The following RAVER2 variants were observed in gnomAD, a reference collection of about 807,000 sequenced individuals.
The protein encoded by RAVER2 is ribonucleoprotein PTB-binding 2.
Under a neutral mutation model 78.1 loss-of-function variants are expected in RAVER2, and 46 were observed. The ratio of observed to expected loss-of-function variants is 0.59; its 90% confidence interval spans 0.46 to 0.75. The LOEUF (loss-of-function observed/expected upper bound fraction) is 0.75. Ranked by LOEUF, RAVER2 falls within the 30% of genes least tolerant of loss-of-function variation. RAVER2 has a pLI of 0.00. For synonymous variants in RAVER2, 311 were observed against 313.3 expected (o/e 0.99, Z 0.08); for missense variants, 793 against 837.5 (o/e 0.95, Z 0.66).
At chr1:64,815,304 C>T in intron 11 of RAVER2, 1 of 152,142 alleles carries the variant, frequency 6.6e-6, no homozygotes, top group East Asian at 1.9e-4. Context: ...ACCTAAGAAA[C>T]CCAAGGGAAT....
chr1:64,828,538 AATC>A (rs1654050370), intron 11 of RAVER2, among the ~76,000 whole-genome samples: 1 of 152,148 alleles, frequency 6.6e-6, no homozygotes, highest in Non-Finnish European at 1.5e-5. Flanking sequence ...CAAAATTTTA[AATC>A]ATCATTCCCC....
chr1:64,813,902 A>T (rs956801720), intron 10 of RAVER2, among the ~76,000 whole-genome samples: 23 of 149,722 alleles, frequency 1.5e-4, no homozygotes, highest in Admixed American at 4.0e-4. Context: ...TTATTTATTT[A>T]TTTTTTTATT....
intron 4 of RAVER2, among the ~76,000 whole-genome samples, chr1:64,784,424 T>C (rs1249187055): frequency 6.6e-6 from 1 of 152,108 alleles, no homozygotes; most frequent in Non-Finnish European, 1.5e-5. Context: ...CTACCTTGAA[T>C]TCTGCCACAC....
chr1:64,803,019 A>C, exon 6 of RAVER2: 1 of 1,609,908 alleles, frequency 6.2e-7, no homozygotes, highest in South Asian at 1.1e-5. Flanking sequence ...TGATGAATCC[A>C]TCCATCTCTC....
intron 6 of RAVER2, among the ~76,000 whole-genome samples, chr1:64,804,070 C>G (rs1170731710): frequency 6.6e-6 from 1 of 152,106 alleles, no homozygotes; most frequent in African/African-American, 2.4e-5. Flanking sequence ...CCTCAAAGGA[C>G]CTTGTTTTTT....
At chr1:64,800,915 A>G (rs17389523) in intron 5 of RAVER2, among the ~76,000 whole-genome samples, 7,611 of 152,134 alleles carry the variant, frequency 0.05, 305 homozygotes, top group Admixed American at 0.14. Flanking sequence ...GGTGGTCCCA[A>G]TGTAGACTTA....
At chr1:64,751,200 AAG>A (rs1651688449) in intron 1 of RAVER2, among the ~76,000 whole-genome samples, 1 of 152,210 alleles carries the variant, frequency 6.6e-6, no homozygotes, top group Non-Finnish European at 1.5e-5. Context: ...TTCACATAGA[AAG>A]AATATAGTAG....
intron 9 of RAVER2, among the ~76,000 whole-genome samples, chr1:64,808,456 C>CTTTTTTTTTT (rs71584460): frequency 6.8e-5 from 7 of 103,160 alleles, no homozygotes; most frequent in Admixed American, 1.2e-4. Flanking sequence ...TAATGCAGTC[C>CTTTTTTTTTT]TTTTTTTTTT....
At chr1:64,824,517 C>T (rs557397144) in intron 11 of RAVER2, among the ~76,000 whole-genome samples, 1 of 152,290 alleles carries the variant, frequency 6.6e-6, no homozygotes, top group African/African-American at 2.4e-5. Flanking sequence ...CATAAGCCTA[C>T]TTTAAACAAC....
exon 12 of RAVER2, chr1:64,831,159 A>C: frequency 1.8e-6 from 1 of 552,958 alleles, no homozygotes; most frequent in Non-Finnish European, 2.9e-6. Flanking sequence ...CAATAAGAAG[A>C]GACATCAATT....
intron 9 of RAVER2, among the ~76,000 whole-genome samples, chr1:64,808,042 TTAAAG>T (rs1653493739): frequency 6.6e-6 from 1 of 152,162 alleles, no homozygotes; most frequent in Admixed American, 6.5e-5. Flanking sequence ...TGGTAGCTAA[TTAAAG>T]TATTTTAATA....
At chr1:64,789,498 A>T (rs372455050) in exon 5 of RAVER2, 2 of 1,605,666 alleles carry the variant, frequency 1.2e-6, no homozygotes, top group Non-Finnish European at 1.7e-6. Flanking sequence ...AGTTATGTGG[A>T]CGAGCTGTTA....
rs1302409385 is a variant in RAVER2, at chr1:64,777,777, G to A, written c.471G>A (p.Glu157=). ...TGCCCATTTCTTTTACATCAGAAGA[G>A]TTTGAAGAACTTGTTCGTGCTTATG... The change falls in exon 3 of 12, where the codon GAG becomes GAA. Residue 157 remains glutamate, a synonymous_variant. Transcript: ENST00000294428. 8 of 1,614,086 alleles carry A rather than the reference G, an allele frequency of 5.0e-6. No homozygotes were observed. The South Asian group carries it at 5.5e-5, about 11-fold the overall frequency.
intron 1 of RAVER2, among the ~76,000 whole-genome samples, chr1:64,755,789 G>A (rs1327602558): frequency 8.6e-6 from 1 of 116,688 alleles, no homozygotes; most frequent in Non-Finnish European, 1.6e-5. Flanking sequence ...ATGGCAATAA[G>A]CAAGAACATG....
intron 11 of RAVER2, among the ~76,000 whole-genome samples, chr1:64,819,709 A>G (rs1406233598): frequency 1.3e-5 from 2 of 152,252 alleles, no homozygotes; most frequent in Non-Finnish European, 2.9e-5. Flanking sequence ...GCTGAAAACT[A>G]TAGTTGTAAA....
intron 1 of RAVER2, among the ~76,000 whole-genome samples, chr1:64,749,607 T>C (rs1267824711): frequency 6.6e-6 from 1 of 152,216 alleles, no homozygotes; most frequent in East Asian, 1.9e-4. Context: ...TATATCTTTG[T>C]TTTGGAATGT....
chr1:64,802,706 G>T (rs1292887450), intron 5 of RAVER2, among the ~76,000 whole-genome samples: 1 of 152,112 alleles, frequency 6.6e-6, no homozygotes, highest in African/African-American at 2.4e-5. Flanking sequence ...GATGTGTTTT[G>T]TTGCACTAAA....
chr1:64,777,861 T>C, exon 3 of RAVER2: 1 of 1,614,124 alleles, frequency 6.2e-7, no homozygotes, highest in Non-Finnish European at 8.5e-7. Context: ...CCAAAGGCTA[T>C]GGATTTGTGG....
chr1:64,777,864 A>T (rs1370277144), exon 3 of RAVER2: 1 of 1,614,112 alleles, frequency 6.2e-7, no homozygotes, highest in Non-Finnish European at 8.5e-7. Flanking sequence ...AAGGCTATGG[A>T]TTTGTGGAAT....
Sources: gnomAD v4.1 joint callset for allele counts (sites outside exome capture counted in the v4.1 genomes callset) on GRCh38, gnomAD v4.1.1 for gene constraint, MANE v1.5 for transcripts, NCBI Gene and HGNC (gene_info 2026-07-23, HGNC 2026-07-21) for gene names.